GGA1: variants seen among roughly 807,000 people sequenced by gnomAD.
GGA1 encodes the protein ADP-ribosylation factor-binding protein GGA1.
GGA1 carries 18 observed loss-of-function variants against 76.9 expected under a neutral mutation model. The observed-to-expected ratio is 0.23, with a 90% confidence interval of 0.16 to 0.35. The LOEUF (loss-of-function observed/expected upper bound fraction) is 0.35, where lower values mean the gene tolerates loss of function less well. GGA1 is among the 10% of genes least tolerant of loss of function. The pLI is 1.00. For missense variants in GGA1, 755 were observed against 859.0 expected, an observed-to-expected ratio of 0.88 and a Z score of 1.51; for synonymous variants, 342 against 354.7, an observed-to-expected ratio of 0.96 and a Z score of 0.40.
chr22:37,625,702 C>T lies in GGA1; in HGVS notation c.941-95C>T. ...GGGAGGCAGGAGACCAGTGGTAAAGCATCGGGGGTTAGGTGTTGCTCCCCC... is the reference window on the plus strand; with the variant it reads ...GGGAGGCAGGAGACCAGTGGTAAAGTATCGGGGGTTAGGTGTTGCTCCCCC... On this transcript the variant is annotated intron_variant, in intron 10 of 16. Coordinates refer to ENST00000343632, the MANE Select transcript of GGA1 (RefSeq NM_013365.5). The surrounding 1 kb of genome is among the most constrained non-coding windows in gnomAD (Gnocchi z 4.1). The T allele has an allele frequency of 1.1e-6, 1 of 943,110 alleles. No homozygotes were observed. The allele number at this position is 943,110 out of a possible 1,614,324, so 58.4% of individuals were successfully genotyped here.
chr22:37,626,002 T>A, intron 11 of GGA1, 53 bp downstream of exon 11: 1 of 1,457,674 alleles, frequency 6.9e-7, no homozygotes, highest in Non-Finnish European at 9.3e-7. Context: ...AGATGGGGCA[T>A]GATCCCAGGG....
chr22:37,613,514 C>T (rs549136918), intron 1 of GGA1, among the ~76,000 whole-genome samples: 2 of 152,326 alleles, frequency 1.3e-5, no homozygotes, highest in African/African-American at 4.8e-5. Flanking sequence ...CATTCTCCTG[C>T]CTCAGCCTCC....
intron 2 of GGA1, 79 bp downstream of exon 2, chr22:37,614,353 G>A (rs1418607118): frequency 1.0e-6 from 1 of 977,076 alleles, no homozygotes; most frequent in Non-Finnish European, 1.7e-6. Flanking sequence ...CTGGGTGGGT[G>A]GAGACCCGGT....
chr22:37,630,234 TCTC>T lies in GGA1; in HGVS notation c.1331+67_1331+69del, dbSNP rs907419254. ...TCCCTGTTCCCACAAACCAGCAACT[TCTC>T]CTGGGCTTGTCCAGGCCCAGCAGGG... On this transcript the variant is annotated intron_variant, in intron 13 of 16. Transcript: ENST00000343632. The T allele has an allele frequency of 7.4e-5, 91 of 1,237,860 alleles. No homozygotes were observed. The Admixed American group carries it at 1.1e-3, about 15-fold the overall frequency. 76.7% of individuals were successfully genotyped at this position (1,237,860 alleles called of 1,614,324 possible).
chr22:37,628,360 G>A (rs1931221229), intron 11 of GGA1, among the ~76,000 whole-genome samples: 2 of 152,158 alleles, frequency 1.3e-5, no homozygotes, highest in African/African-American at 4.8e-5. Context: ...ACTGCACCTG[G>A]CTGGTGTCTC....
intron 1 of GGA1, chr22:37,609,204 C>A: frequency 1.5e-6 from 2 of 1,316,222 alleles, no homozygotes; most frequent in Non-Finnish European, 2.0e-6. Context: ...CTCCAACCCC[C>A]AAGGCTCACA....
At chr22:37,620,153 G>C (rs891890519) in intron 4 of GGA1, 85 bp from the exon 5 acceptor site, 2 of 1,499,718 alleles carry the variant, frequency 1.3e-6, no homozygotes, top group Non-Finnish European at 1.9e-6. Flanking sequence ...GGAGTCCTGG[G>C]GAGGCAGTAG....
chr22:37,627,864 G>GT (rs1324428673), intron 11 of GGA1, among the ~76,000 whole-genome samples: 6 of 152,232 alleles, frequency 3.9e-5, no homozygotes, highest in Non-Finnish European at 5.9e-5. Flanking sequence ...CACGGCAGGG[G>GT]TGGGAGACAG....
intron 12 of GGA1, 96 bp downstream of exon 12, chr22:37,629,622 T>C: frequency 1.3e-6 from 1 of 774,250 alleles, no homozygotes; most frequent in Non-Finnish European, 2.0e-6. Context: ...ATGGATGGGC[T>C]CTACTCAAGA....
intron 3 of GGA1, chr22:37,617,582 T>G: frequency 1.0e-6 from 1 of 964,542 alleles, no homozygotes; most frequent in Non-Finnish European, 1.2e-6. Flanking sequence ...ACCTGTAATT[T>G]CAGCACTTGG....
At chr22:37,618,680 G>A (rs576169802) in intron 4 of GGA1, 134 bp downstream of exon 4, 85 of 610,106 alleles carry the variant, frequency 1.4e-4, no homozygotes, top group African/African-American at 1.3e-3. Flanking sequence ...TTAGAACTCA[G>A]ACCTAGGAAA....
chr22:37,619,379 A>G (rs1322580136), intron 4 of GGA1, among the ~76,000 whole-genome samples: 1 of 108,048 alleles, frequency 9.3e-6, no homozygotes, highest in Admixed American at 9.8e-5. Context: ...TACCGTGAAC[A>G]TTTTTTTTTT....
rs1931542715 is a variant in GGA1, at chr22:37,630,143, T to C, written c.1304T>C (p.Leu435Pro). The C allele has an allele frequency of 6.3e-7, 1 of 1,595,638 alleles. No individual in the cohort carries two copies. Among genetic ancestry groups the C allele is most frequent in the African/African-American group, 1.4e-5 (1 of 73,616 alleles). ...LLGKTLLQQS[L>P]PPESQQVRWE... ...GGGAAGACCCTCCTGCAGCAGTCGCTGCCCCCGGAATCCCAGCAAGTGCGG... is the reference window on the plus strand; with the variant it reads ...GGGAAGACCCTCCTGCAGCAGTCGCCGCCCCCGGAATCCCAGCAAGTGCGG... Residue 435 changes from leucine (L) to proline (P), a missense_variant, in exon 13 of 17, where the codon CTG becomes CCG. Physicochemically the swap from Leu to Pro is moderately conservative, Grantham distance 98. Transcript: ENST00000343632.
At chr22:37,617,680 C>T (rs186162448) in intron 3 of GGA1, 1 of 624,372 alleles carries the variant, frequency 1.6e-6, no homozygotes, top group East Asian at 1.4e-4. Context: ...GACTGGACAA[C>T]AGAGTGAGAC....
intron 1 of GGA1, chr22:37,609,353 G>GC (rs1927037404): frequency 9.1e-7 from 1 of 1,098,026 alleles, no homozygotes; most frequent in Non-Finnish European, 1.1e-6. Context: ...CGTTCCTGGA[G>GC]CCCGCAAGTA....
At chr22:37,619,623 G>A (rs1478331454) in intron 4 of GGA1, among the ~76,000 whole-genome samples, 1 of 152,180 alleles carries the variant, frequency 6.6e-6, no homozygotes, top group Admixed American at 6.5e-5. Flanking sequence ...TGATCCACCT[G>A]CATTGGCCTC....
chr22:37,631,919 C>T, intron 14 of GGA1, 77 bp from the exon 15 acceptor site: 1 of 1,366,166 alleles, frequency 7.3e-7, no homozygotes. Context: ...CTCCTGAGGC[C>T]AGCCGGGTGG....
chr22:37,632,259 C>A lies in GGA1; in HGVS notation c.1698+94C>A. 1 of 1,373,006 alleles carries A rather than the reference C, an allele frequency of 7.3e-7. No homozygotes were observed. The highest frequency in any genetic ancestry group is 1.0e-6 in the Non-Finnish European group (1 of 978,986). 85.1% of individuals were successfully genotyped at this position (1,373,006 alleles called of 1,614,324 possible). On this transcript the variant is annotated intron_variant, in intron 15 of 16. Coordinates refer to ENST00000343632, the MANE Select transcript of GGA1 (RefSeq NM_013365.5). The surrounding 1 kb of genome is among the most constrained non-coding windows in gnomAD (Gnocchi z 5.1). ...AGCCACCTGTCAGGGGGCAGGTCTC[C>A]CTCCCTTGCTGGGTGGTTGGTGTAG...
chr22:37,631,109 G>A lies in GGA1; in HGVS notation c.1528+10G>A, dbSNP rs1931731515. 3 of 1,547,788 alleles carry A rather than the reference G, an allele frequency of 1.9e-6. No individual in the cohort carries two copies. The African/African-American group carries it at 4.2e-5, about 22-fold the overall frequency. On this transcript the variant is annotated intron_variant, in intron 14 of 16. Coordinates refer to ENST00000343632, the MANE Select transcript of GGA1 (RefSeq NM_013365.5). ...GAGTCCATCAAACCCAGTGAGTAGG[G>A]CTGGGGCAGGTGCAGGCTGGGTTGG...
Sources: gnomAD v4.1 joint callset for allele counts (sites outside exome capture counted in the v4.1 genomes callset) on GRCh38, gnomAD v4.1.1 for gene constraint, Gnocchi (gnomAD v3.1) non-coding constraint, MANE v1.5 for transcripts, NCBI Gene and HGNC (gene_info 2026-07-23, HGNC 2026-07-21) for gene names.